MALRD1: variants seen among roughly 807,000 people sequenced by gnomAD.
MALRD1 encodes MAM and LDL-receptor class A domain-containing protein 1.
In MALRD1, 247 loss-of-function variants were observed where a neutral mutation model predicts 242.1. The observed-to-expected ratio is 1.02, with a 90% CI of 0.92 to 1.13. The LOEUF (loss-of-function observed/expected upper bound fraction) is 1.13. Ranked by LOEUF, MALRD1 falls within the 50% of genes most tolerant of loss-of-function variation. The pLI is 0.00. For missense variants in MALRD1, 2,989 were observed against 2,533.1 expected (o/e 1.18, Z -3.86); for synonymous variants, 995 against 866.6 (o/e 1.15, Z -2.60).
At chr10:19,545,065 C>CA (rs926567003) in intron 32 of MALRD1, among the ~76,000 whole-genome samples, 16 of 152,192 alleles carry the variant, frequency 1.1e-4, no homozygotes, top group African/African-American at 3.9e-4. Flanking sequence ...AAGGTGTCAG[C>CA]AGGTGTGGGT....
At chr10:19,529,175 C>T (rs994863828) in intron 31 of MALRD1, among the ~76,000 whole-genome samples, 1 of 152,130 alleles carries the variant, frequency 6.6e-6, no homozygotes, top group African/African-American at 2.4e-5. Flanking sequence ...ATTCCTAGAG[C>T]ATTCTATTCT....
At chr10:19,176,103 A>G (rs986148888) in intron 14 of MALRD1, among the ~76,000 whole-genome samples, 4 of 152,126 alleles carry the variant, frequency 2.6e-5, no homozygotes, top group African/African-American at 9.7e-5. Flanking sequence ...TGTTTTCTGA[A>G]AAGTGTCACA....
rs188747768 is a variant in MALRD1 at position 19,268,916 on chromosome 10, A to T, written c.3080-11131A>T. On this transcript the variant is annotated intron_variant, in intron 19 of 39. Transcript: ENST00000454679. ...GACATCTACTTATGAAATCTTCCAC[A>T]TGACAGATGTACAGGTAGTTTGGTT... Among the ~76,000 whole-genome samples the T allele has an allele frequency of 1.8e-3, 269 of 152,320 alleles. 1 individual carries two copies. Among genetic ancestry groups the T allele is most frequent in the African/African-American group, 6.3e-3 (262 of 41,584 alleles).
At chr10:19,404,809 A>T (rs983938286) in intron 28 of MALRD1, among the ~76,000 whole-genome samples, 3 of 152,144 alleles carry the variant, frequency 2.0e-5, no homozygotes, top group African/African-American at 7.2e-5. Flanking sequence ...TTCAATGTGA[A>T]CACCTGGATC....
Position 19,734,311 on chromosome 10 carries a change from T to G in MALRD1, c.*74T>G, listed in dbSNP as rs1165839917. On this transcript the variant is annotated 3_prime_UTR_variant, in exon 40 of 40. Transcript: ENST00000454679. ...GAAGTCTCCACAATCTGATAGAAAC[T>G]CATCTTCTACAATGGTAAAAAGAGA... is the stretch of plus-strand genomic sequence containing the variant. 1 of 1,197,968 alleles carries G rather than the reference T, an allele frequency of 8.3e-7. No homozygotes were observed. Among genetic ancestry groups the G allele is most frequent in the Non-Finnish European group, 1.2e-6 (1 of 849,148 alleles). 74.2% of individuals were successfully genotyped at this position (1,197,968 alleles called of 1,614,324 possible). A position where few individuals can be genotyped will look rare whatever the true frequency, so the allele number is the denominator to read the frequency against.
intron 36 of MALRD1, among the ~76,000 whole-genome samples, chr10:19,676,520 A>G (rs1481050567): frequency 1.3e-5 from 2 of 152,332 alleles, no homozygotes; most frequent in African/African-American, 4.8e-5. Context: ...ACATGATTTG[A>G]AATTGACTTA....
intron 34 of MALRD1, among the ~76,000 whole-genome samples, chr10:19,604,008 A>C (rs949142660): frequency 6.6e-6 from 1 of 152,180 alleles, no homozygotes; most frequent in Non-Finnish European, 1.5e-5. Flanking sequence ...AATAGCTTCT[A>C]CGTATTCAAG....
At chr10:19,411,039 T>C (rs977631251) in intron 28 of MALRD1, among the ~76,000 whole-genome samples, 2 of 152,180 alleles carry the variant, frequency 1.3e-5, no homozygotes, top group African/African-American at 4.8e-5. Context: ...TGCAGGATTA[T>C]TATAATATGA....
intron 38 of MALRD1, among the ~76,000 whole-genome samples, chr10:19,700,887 A>G (rs778463471): frequency 1.4e-4 from 21 of 152,292 alleles, no homozygotes; most frequent in Non-Finnish European, 2.5e-4. Flanking sequence ...GGCTGGGTGC[A>G]GTGGCTCATA....
intron 26 of MALRD1, among the ~76,000 whole-genome samples, chr10:19,382,113 C>G (rs1038101164): frequency 6.6e-6 from 1 of 152,090 alleles, no homozygotes; most frequent in Admixed American, 6.6e-5. Context: ...CTCTTAAACG[C>G]TGCCTGGCTT....
At chr10:19,530,377 A>ATATATAT (rs1834314558) in intron 31 of MALRD1, among the ~76,000 whole-genome samples, 1 of 89,774 alleles carries the variant, frequency 1.1e-5, no homozygotes, top group Non-Finnish European at 1.8e-5. Flanking sequence ...ATATTTATAT[A>ATATATAT]AATATTATAT....
At chr10:19,559,649 T>G (rs542892941) in intron 32 of MALRD1, among the ~76,000 whole-genome samples, 2 of 152,198 alleles carry the variant, frequency 1.3e-5, no homozygotes, top group East Asian at 3.9e-4. Flanking sequence ...TGGGTTCTAA[T>G]TAAACTAAAG....
intron 28 of MALRD1, among the ~76,000 whole-genome samples, chr10:19,427,816 A>G (rs1021810895): frequency 6.6e-6 from 1 of 152,136 alleles, no homozygotes; most frequent in African/African-American, 2.4e-5. Context: ...AGTCCCAATC[A>G]TTTTGCAGTT....
chr10:19,591,058 C>A (rs1168796088), intron 33 of MALRD1, among the ~76,000 whole-genome samples: 1 of 152,180 alleles, frequency 6.6e-6, no homozygotes, highest in Non-Finnish European at 1.5e-5. Context: ...ATTCATTCCT[C>A]CTTGCCCTAC....
intron 36 of MALRD1, among the ~76,000 whole-genome samples, chr10:19,645,445 G>A (rs7095351): frequency 0.5 from 76,450 of 152,032 alleles, 19,317 homozygotes; most frequent in East Asian, 0.54. Flanking sequence ...TTATTGTGGC[G>A]CTATTCACAA....
chr10:19,449,180 T>G (rs1335361536), intron 28 of MALRD1, among the ~76,000 whole-genome samples: 1 of 152,150 alleles, frequency 6.6e-6, no homozygotes, highest in Non-Finnish European at 1.5e-5. Flanking sequence ...GTTTAGTTTA[T>G]TTATTTATTT....
intron 2 of MALRD1, among the ~76,000 whole-genome samples, chr10:19,079,472 G>A (rs1369351661): frequency 6.6e-6 from 1 of 151,788 alleles, no homozygotes; most frequent in African/African-American, 2.4e-5. Flanking sequence ...TGGAGCAAGT[G>A]TGCCATATGT....
chr10:19,580,661 T>G (rs1837072112), intron 33 of MALRD1, among the ~76,000 whole-genome samples: 1 of 152,202 alleles, frequency 6.6e-6, no homozygotes, highest in South Asian at 2.1e-4. Context: ...AGCTCCCTCT[T>G]ATGTTAATTT....
rs542132299 is a variant in MALRD1 at position 19,116,763 on chromosome 10, T to C, written c.695-6729T>C. Among the ~76,000 whole-genome samples the C allele has an allele frequency of 2.6e-5, 4 of 152,134 alleles. No homozygotes were observed. The South Asian group carries it at 8.3e-4, about 31-fold the overall frequency. On this transcript the variant is annotated intron_variant, in intron 5 of 39. Coordinates refer to ENST00000454679, the MANE Select transcript of MALRD1 (RefSeq NM_001142308.3). Reference sequence around the variant, plus strand: ...GGATTTGAAAACCCCTAAAATAATATTGTACTGCCAGATTGTGGTACAAAG... The same window carrying C: ...GGATTTGAAAACCCCTAAAATAATACTGTACTGCCAGATTGTGGTACAAAG...
Sources: allele counts gnomAD v4.1 joint callset (sites outside exome capture counted in the v4.1 genomes callset), GRCh38; gene constraint gnomAD v4.1.1; transcripts MANE v1.5; gene names NCBI Gene and HGNC (gene_info 2026-07-23, HGNC 2026-07-21).